Variants in MAPK10 observed in about 807,000 individuals in gnomAD.
The protein encoded by MAPK10 is mitogen-activated protein kinase 10, also known as JNK3 alpha protein kinase.
A neutral mutation model predicts 59.3 loss-of-function variants in MAPK10; 25 were observed. The ratio of observed to expected loss-of-function variants is 0.42; its 90% CI spans 0.31 to 0.59. The LOEUF is 0.59. Among genes scored for constraint, MAPK10 ranks in the 20% least tolerant of loss-of-function variants. The pLI, the probability that MAPK10 is intolerant of heterozygous loss-of-function variation, is 0.15. For synonymous variants in MAPK10, 190 were observed against 200.5 expected, an observed-to-expected ratio of 0.95 and a Z score of 0.44; for missense variants, 351 against 568.9, an observed-to-expected ratio of 0.62 and a Z score of 3.90.
intron 3 of MAPK10, among the ~76,000 whole-genome samples, chr4:86,165,867 C>G (rs1230540523): frequency 6.6e-6 from 1 of 151,882 alleles, no homozygotes; most frequent in East Asian, 1.9e-4. Context: ...GTTAGTTGGC[C>G]TAGAGATGGT....
chr4:86,343,121 C>T (rs1468518743), intron 2 of MAPK10, among the ~76,000 whole-genome samples: 1 of 152,180 alleles, frequency 6.6e-6, no homozygotes, highest in Admixed American at 6.5e-5. Flanking sequence ...TCTGTTCCCT[C>T]TTCCAGAAAT....
At chr4:86,099,298 T>C (rs1158249243) in intron 8 of MAPK10, 2 of 152,218 alleles carry the variant, frequency 1.3e-5, no homozygotes, top group Non-Finnish European at 2.9e-5. Flanking sequence ...GGAAGGAAAG[T>C]GAAAAAAGTA....
At chr4:86,556,721 T>C (rs2149102502) in intron 1 of MAPK10, among the ~76,000 whole-genome samples, 1 of 152,296 alleles carries the variant, frequency 6.6e-6, no homozygotes. Context: ...TGTTTATTTA[T>C]TCGTGGAGCC....
chr4:86,338,049 T>C (rs573121098), intron 2 of MAPK10, among the ~76,000 whole-genome samples: 6 of 152,336 alleles, frequency 3.9e-5, no homozygotes, highest in Admixed American at 1.3e-4. Flanking sequence ...ATCTTAGATT[T>C]GCAGAGAAGT....
intron 13 of MAPK10, among the ~76,000 whole-genome samples, chr4:86,018,628 T>C (rs17011322): frequency 0.077 from 11,663 of 152,262 alleles, 540 homozygotes; most frequent in African/African-American, 0.09. Flanking sequence ...GCGATACAAT[T>C]AAACCAGAGC....
chr4:86,102,050 C>T lies in MAPK10; in HGVS notation c.426-18G>A. On this transcript the variant is annotated intron_variant, in intron 6 of 13. Transcript: ENST00000641462. ...CTAAGTAACTAGAAGGGTGAATCCA[C>T]AGTGTTAGTTCCAGATCACAAGATC... 1 of 1,612,148 alleles carries T rather than the reference C, an allele frequency of 6.2e-7. No homozygotes were observed. The highest frequency in any genetic ancestry group is 8.5e-7 in the Non-Finnish European group (1 of 1,178,334).
intron 4 of MAPK10, among the ~76,000 whole-genome samples, chr4:86,115,224 T>C (rs895786289): frequency 1.3e-5 from 2 of 152,192 alleles, no homozygotes; most frequent in Non-Finnish European, 2.9e-5. Flanking sequence ...CACAGATCCA[T>C]GGAAAAAGCA....
chr4:86,091,323 T>C (rs1011535326), intron 9 of MAPK10: 7 of 151,690 alleles, frequency 4.6e-5, no homozygotes, highest in African/African-American at 1.7e-4. Context: ...CACCACTCAC[T>C]AGGCAATCTA....
chr4:86,187,247 A>T (rs1042859462), intron 3 of MAPK10, among the ~76,000 whole-genome samples: 1 of 152,178 alleles, frequency 6.6e-6, no homozygotes, highest in African/African-American at 2.4e-5. Flanking sequence ...ACAGTAAGAT[A>T]TTAACAACAA....
At chr4:86,441,218 T>A (rs1232616902) in intron 1 of MAPK10, among the ~76,000 whole-genome samples, 1 of 152,240 alleles carries the variant, frequency 6.6e-6, no homozygotes, top group Non-Finnish European at 1.5e-5. Flanking sequence ...GTGACTGTCT[T>A]GTTTCTACAA....
At chr4:86,289,702 T>C (rs1184283527) in intron 2 of MAPK10, among the ~76,000 whole-genome samples, 2 of 151,344 alleles carry the variant, frequency 1.3e-5, no homozygotes, top group Non-Finnish European at 2.9e-5. Flanking sequence ...ATATCTATTA[T>C]ATCTATTGGT....
chr4:86,423,986 T>C (rs960118165), intron 1 of MAPK10, among the ~76,000 whole-genome samples: 3 of 151,922 alleles, frequency 2.0e-5, no homozygotes, highest in Non-Finnish European at 4.4e-5. Context: ...ATTATTATAA[T>C]ATTCATATGT....
chr4:86,073,237 A>G (rs1421860376), intron 9 of MAPK10, among the ~76,000 whole-genome samples: 1 of 138,694 alleles, frequency 7.2e-6, no homozygotes, highest in East Asian at 2.2e-4. Flanking sequence ...ATCGGTGGTG[A>G]TATCCCCTTT....
At chr4:86,145,032 A>G (rs770227969) in intron 4 of MAPK10, among the ~76,000 whole-genome samples, 3 of 152,188 alleles carry the variant, frequency 2.0e-5, no homozygotes, top group Non-Finnish European at 4.4e-5. Flanking sequence ...ATGATAAAGC[A>G]CTTCTACCAA....
intron 1 of MAPK10, among the ~76,000 whole-genome samples, chr4:86,588,358 A>G (rs1481642667): frequency 1.3e-5 from 2 of 152,208 alleles, no homozygotes; most frequent in African/African-American, 2.4e-5. Flanking sequence ...ATATGGTTGT[A>G]AAGATTTTTT....
chr4:86,423,770 C>CATATATATATATACATAT (rs1746862130), intron 1 of MAPK10, among the ~76,000 whole-genome samples: 1 of 91,620 alleles, frequency 1.1e-5, no homozygotes, highest in Non-Finnish European at 2.3e-5. Flanking sequence ...GATATATATA[C>CATATATATATATACATAT]ATATATATAT....
chr4:86,451,936 G>A (rs919444335), intron 1 of MAPK10, among the ~76,000 whole-genome samples: 11 of 152,244 alleles, frequency 7.2e-5, no homozygotes, highest in Non-Finnish European at 1.5e-4. Flanking sequence ...AAGAGAAATC[G>A]AACACGATAT....
intron 2 of MAPK10, among the ~76,000 whole-genome samples, chr4:86,345,065 CT>C (rs1249351328): frequency 6.6e-6 from 1 of 152,052 alleles, no homozygotes; most frequent in African/African-American, 2.4e-5. Context: ...GCTAAAATAT[CT>C]TATTTATTGA....
chr4:86,105,682 ACTTAC>A (rs1420948148), intron 5 of MAPK10, among the ~76,000 whole-genome samples: 1 of 152,114 alleles, frequency 6.6e-6, no homozygotes, highest in Non-Finnish European at 1.5e-5. Flanking sequence ...CTAATCTTGC[ACTTAC>A]CTTTATTTAA....
Sources: allele counts gnomAD v4.1 joint callset (sites outside exome capture counted in the v4.1 genomes callset), GRCh38; gene constraint gnomAD v4.1.1; transcripts MANE v1.5; gene names NCBI Gene and HGNC (gene_info 2026-07-23, HGNC 2026-07-21).